DSCAM: variants seen among roughly 807,000 people sequenced by gnomAD.
The protein encoded by DSCAM is DS cell adhesion molecule.
A neutral mutation model predicts 217.7 loss-of-function variants in DSCAM; 47 were observed. That is an observed-to-expected ratio of 0.22 (90% confidence interval 0.17 to 0.28). The LOEUF is 0.28. Among genes scored for constraint, DSCAM ranks in the 10% least tolerant of loss-of-function variants. DSCAM has a pLI of 1.00. For synonymous variants in DSCAM, 1,056 were observed against 1,015.3 expected (o/e 1.04, Z -0.76); for missense variants, 2,080 against 2,618.3 (o/e 0.79, Z 4.49).
At chr21:40,466,698 C>A (rs1318557776) in intron 3 of DSCAM, among the ~76,000 whole-genome samples, 1 of 152,036 alleles carries the variant, frequency 6.6e-6, no homozygotes, top group African/African-American at 2.4e-5. Flanking sequence ...AGCTAACACA[C>A]CTCTTTTCTT....
intron 10 of DSCAM, among the ~76,000 whole-genome samples, chr21:40,293,962 A>G (rs1009463923): frequency 1.3e-5 from 2 of 152,212 alleles, no homozygotes; most frequent in African/African-American, 4.8e-5. Context: ...ATCTATGGGT[A>G]TGCAATTGCT....
At chr21:40,307,460 T>C (rs574188275) in intron 9 of DSCAM, among the ~76,000 whole-genome samples, 3 of 152,096 alleles carry the variant, frequency 2.0e-5, no homozygotes, top group African/African-American at 7.2e-5. Context: ...TGTGGAGAAA[T>C]AGGAACACTT....
At chr21:40,345,069 GA>G (rs2074543485) in intron 6 of DSCAM, among the ~76,000 whole-genome samples, 1 of 151,880 alleles carries the variant, frequency 6.6e-6, no homozygotes, top group East Asian at 1.9e-4. Context: ...CAAATATGGT[GA>G]TTTTTTTTCA....
In DSCAM at chr21:40,563,495, CAAAAT is replaced by C. The variant is rs1208326690; in HGVS notation, c.508+129310_508+129314del. On this transcript the variant is annotated intron_variant, in intron 3 of 32. Coordinates refer to ENST00000400454, the MANE Select transcript of DSCAM (RefSeq NM_001389.5). ...TATATTTGTTTATATATGTATAAAA[CAAAAT>C]AAAAATTTGTAAAACAAAATATATC... Among the ~76,000 whole-genome samples, 28 of 144,890 alleles carry C rather than the reference CAAAAT, an allele frequency of 1.9e-4. No homozygotes were observed. In the East Asian group the frequency reaches 5.4e-3, roughly 28 times the overall value.
At chr21:40,412,038 C>A (rs1352653503) in intron 3 of DSCAM, among the ~76,000 whole-genome samples, 1 of 152,106 alleles carries the variant, frequency 6.6e-6, no homozygotes, top group East Asian at 1.9e-4. Context: ...AAGGGGAAAC[C>A]CGTTTCATTT....
At chr21:40,533,626 C>T (rs1308848685) in intron 3 of DSCAM, among the ~76,000 whole-genome samples, 1 of 151,516 alleles carries the variant, frequency 6.6e-6, no homozygotes, top group Non-Finnish European at 1.5e-5. Flanking sequence ...TCCATCCATC[C>T]AACCCTCCAT....
intron 20 of DSCAM, among the ~76,000 whole-genome samples, chr21:40,108,930 G>A (rs914249040): frequency 6.6e-6 from 1 of 152,170 alleles, no homozygotes; most frequent in African/African-American, 2.4e-5. Context: ...ATGGTGCTGG[G>A]ATAACTAGCT....
At chr21:40,464,164 G>A (rs192649347) in intron 3 of DSCAM, among the ~76,000 whole-genome samples, 2 of 152,294 alleles carry the variant, frequency 1.3e-5, no homozygotes, top group East Asian at 1.9e-4. Flanking sequence ...CAGCCTGACT[G>A]CTTCCTTCAC....
At chr21:40,740,048 A>T (rs913305091) in intron 1 of DSCAM, among the ~76,000 whole-genome samples, 12 of 146,818 alleles carry the variant, frequency 8.2e-5, no homozygotes, top group African/African-American at 3.0e-4. Context: ...GGAACATGTG[A>T]CAACACCTGT....
chr21:40,304,113 T>C (rs2123469515), intron 9 of DSCAM, among the ~76,000 whole-genome samples: 1 of 152,372 alleles, frequency 6.6e-6, no homozygotes, highest in South Asian at 2.1e-4. Flanking sequence ...ATTTGGCTCT[T>C]ATTGGCTCAT....
intron 3 of DSCAM, among the ~76,000 whole-genome samples, chr21:40,481,737 A>G (rs1436818399): frequency 1.3e-5 from 2 of 152,266 alleles, no homozygotes; most frequent in East Asian, 3.9e-4. Flanking sequence ...GAAACAACAA[A>G]TGATGAGACT....
chr21:40,525,832 C>G (rs1329501716), intron 3 of DSCAM, among the ~76,000 whole-genome samples: 1 of 152,204 alleles, frequency 6.6e-6, no homozygotes, highest in Admixed American at 6.5e-5. Context: ...CTGAAAACCC[C>G]TGTGGCCTTC....
intron 11 of DSCAM, among the ~76,000 whole-genome samples, chr21:40,213,324 T>C (rs1266110070): frequency 6.6e-6 from 1 of 152,150 alleles, no homozygotes; most frequent in East Asian, 1.9e-4. Context: ...GAGTGAGCCA[T>C]GGGGTGAAGG....
chr21:40,152,107 A>C (rs1260948975), intron 16 of DSCAM, among the ~76,000 whole-genome samples: 1 of 139,304 alleles, frequency 7.2e-6, no homozygotes, highest in African/African-American at 3.2e-5. Context: ...TTTGAAACGT[A>C]AGCATATGGA....
intron 3 of DSCAM, among the ~76,000 whole-genome samples, chr21:40,533,489 C>G (rs963244727): frequency 2.6e-5 from 4 of 151,710 alleles, no homozygotes; most frequent in Admixed American, 6.6e-5. Flanking sequence ...GTCCATCCAT[C>G]CATCCATCCA....
intron 11 of DSCAM, among the ~76,000 whole-genome samples, chr21:40,257,897 C>T (rs572602534): frequency 1.3e-5 from 2 of 152,146 alleles, no homozygotes; most frequent in African/African-American, 4.8e-5. Flanking sequence ...ACAGAAAGCC[C>T]CTTTCTCCTT....
At chr21:40,107,494 G>T (rs2089836127) in intron 20 of DSCAM, among the ~76,000 whole-genome samples, 3 of 151,920 alleles carry the variant, frequency 2.0e-5, no homozygotes, top group Admixed American at 1.3e-4. Context: ...ATCCATTTGA[G>T]TTCTGTAGAT....
At chr21:40,188,961 T>A (rs1183932141) in intron 12 of DSCAM, 81 bp downstream of exon 12, 1 of 1,407,904 alleles carries the variant, frequency 7.1e-7, no homozygotes, top group African/African-American at 1.4e-5. Context: ...CTGCTACTTA[T>A]CTGCACCCGC....
At chr21:40,205,037 G>A (rs1389678654) in intron 11 of DSCAM, among the ~76,000 whole-genome samples, 2 of 152,200 alleles carry the variant, frequency 1.3e-5, no homozygotes, top group African/African-American at 2.4e-5. Context: ...GGAAATGGAA[G>A]GAGCAAGGAA....
Sources: gnomAD v4.1 joint callset for allele counts (sites outside exome capture counted in the v4.1 genomes callset) on GRCh38, gnomAD v4.1.1 for gene constraint, MANE v1.5 for transcripts, NCBI Gene and HGNC (gene_info 2026-07-23, HGNC 2026-07-21) for gene names.